Variants in NDUFS5 observed in about 807,000 individuals in gnomAD.
The protein encoded by NDUFS5 is NADH dehydrogenase [ubiquinone] iron-sulfur protein 5.
NDUFS5 carries 7 observed loss-of-function variants against 10.5 expected under a neutral mutation model. That is an observed-to-expected ratio of 0.66 (90% CI 0.38 to 1.25). The LOEUF (loss-of-function observed/expected upper bound fraction) is 1.25, where lower values mean the gene tolerates loss of function less well. NDUFS5 is among the 50% of genes most tolerant of loss of function. The pLI is 0.02. For missense variants in NDUFS5, 148 were observed against 140.7 expected (o/e 1.05, Z -0.26); for synonymous variants, 38 against 44.0 (o/e 0.86, Z 0.54).
Position 39,027,581 on chromosome 1 carries a change from G to GTTTTTTTTTTTTTTTTTTTTTT in NDUFS5, c.-2-1127_-2-1126insTTTTTTTTTTTTTTTTTTTTTT, listed in dbSNP as rs760373747. 9.9e-5 allele frequency among the ~76,000 whole-genome samples: 9 copies of GTTTTTTTTTTTTTTTTTTTTTT among 91,158 alleles called. 1 individual carries two copies. The highest frequency in any genetic ancestry group is 1.9e-4 in the African/African-American group (5 of 25,932). The allele number at this position is 91,158 out of a possible 152,430, so 59.8% of individuals were successfully genotyped here. On this transcript the variant is annotated intron_variant, in intron 1 of 2. Coordinates refer to ENST00000372969, the MANE Select transcript of NDUFS5 (RefSeq NM_004552.3). ...GTCTTAACCCATTTCTTTCGCTCTG[G>GTTTTTTTTTTTTTTTTTTTTTT]TTTTTTTTTTTTTTTGAGACAGGAT...
intron 2 of NDUFS5, 130 bp downstream of exon 2, chr1:39,029,070 G>A: frequency 2.5e-6 from 2 of 811,040 alleles, no homozygotes; most frequent in Non-Finnish European, 3.8e-6. Flanking sequence ...TCGTCTCACT[G>A]TAGCCTCTGC....
At chr1:39,029,191 C>T (rs549207785) in intron 2 of NDUFS5, among the ~76,000 whole-genome samples, 1 of 152,098 alleles carries the variant, frequency 6.6e-6, no homozygotes, top group Non-Finnish European at 1.5e-5. Flanking sequence ...CGGGATTTCA[C>T]CATGCTGGCC....
At chr1:39,031,453 T>G (rs1262321505) in intron 2 of NDUFS5, among the ~76,000 whole-genome samples, 2 of 152,100 alleles carry the variant, frequency 1.3e-5, no homozygotes, top group African/African-American at 4.8e-5. Context: ...GGACTACAAG[T>G]GCATGCCACC....
Position 39,034,583 on chromosome 1 carries a change from A to G in NDUFS5, c.*87A>G, listed in dbSNP as rs1644216215. 5 of 1,054,660 alleles carry G rather than the reference A, an allele frequency of 4.7e-6. No homozygotes were observed. In the Admixed American group the frequency reaches 5.7e-5, roughly 12 times the overall value. The allele number at this position is 1,054,660 out of a possible 1,614,324, so 65.3% of individuals were successfully genotyped here. On this transcript the variant is annotated 3_prime_UTR_variant, in exon 3 of 3. Transcript: ENST00000372969. ...TTGTTTACGACAAACCTCCTTGTCAAAGTGTGTAAAAATAAAGGATTGCTC... is the reference window on the plus strand; with the variant it reads ...TTGTTTACGACAAACCTCCTTGTCAGAGTGTGTAAAAATAAAGGATTGCTC...
intron 2 of NDUFS5, 51 bp downstream of exon 2, chr1:39,028,991 A>AAT: frequency 4.3e-6 from 6 of 1,402,968 alleles, no homozygotes; most frequent in Non-Finnish European, 5.7e-6. Flanking sequence ...TTCCTTTGGG[A>AAT]CTCTTTTTTT....
intron 2 of NDUFS5, among the ~76,000 whole-genome samples, chr1:39,030,543 A>T (rs1311306544): frequency 6.6e-6 from 1 of 152,124 alleles, no homozygotes; most frequent in African/African-American, 2.4e-5. Context: ...CGTCTGTACT[A>T]AAAATACAAA....
At chr1:39,031,564 C>T (rs1644190960) in intron 2 of NDUFS5, among the ~76,000 whole-genome samples, 1 of 152,176 alleles carries the variant, frequency 6.6e-6, no homozygotes, top group African/African-American at 2.4e-5. Context: ...CCTGGGCCCC[C>T]CAAACTGCTG....
intron 2 of NDUFS5, 54 bp downstream of exon 2, chr1:39,028,994 CTT>C (rs35464164): frequency 4.4e-3 from 5,117 of 1,166,834 alleles, no homozygotes; most frequent in South Asian, 6.3e-3. Flanking sequence ...CTTTGGGACT[CTT>C]TTTTTTTTTT....
At chr1:39,026,928 C>G (rs2148079345) in intron 1 of NDUFS5, among the ~76,000 whole-genome samples, 1 of 152,338 alleles carries the variant, frequency 6.6e-6, no homozygotes, top group South Asian at 2.1e-4. Flanking sequence ...CTTACCCACT[C>G]GTGTTCCTTG....
intron 1 of NDUFS5, among the ~76,000 whole-genome samples, chr1:39,027,087 A>C (rs1331053201): frequency 6.6e-6 from 1 of 152,076 alleles, no homozygotes; most frequent in Non-Finnish European, 1.5e-5. Flanking sequence ...CTTTTTGTTG[A>C]GATGGAGTTT....
rs372457176 is a variant in NDUFS5 at position 39,028,913 on chromosome 1, C to T, written c.189C>T (p.Phe63=). 17 of 1,613,170 alleles carry T rather than the reference C, an allele frequency of 1.1e-5. No homozygotes were observed. Among genetic ancestry groups the T allele is most frequent in the East Asian group, 2.2e-5 (1 of 44,866 alleles). The change falls in exon 2 of 3, where the codon TTC becomes TTT. Residue 63 remains phenylalanine, a synonymous_variant. Transcript: ENST00000372969. Reference sequence around the variant, plus strand: ...AGTGCAAGATAGAATATGATGATTTCGTAGAGTGTTTGCTTCGGCAGAAAA... The same window carrying T: ...AGTGCAAGATAGAATATGATGATTTTGTAGAGTGTTTGCTTCGGCAGAAAA... ...EKECKIEYDD[F]VECLLRQKTM... is the part of the protein sequence containing the mutation.
intron 2 of NDUFS5, among the ~76,000 whole-genome samples, chr1:39,030,922 GA>G (rs1430206707): frequency 6.6e-6 from 1 of 151,982 alleles, no homozygotes; most frequent in African/African-American, 2.4e-5. Context: ...GCCCAGGCTG[GA>G]GTGCGGTAGC....
intron 1 of NDUFS5, among the ~76,000 whole-genome samples, chr1:39,027,694 C>T (rs1169979222): frequency 1.5e-5 from 2 of 136,496 alleles, no homozygotes; most frequent in Non-Finnish European, 3.1e-5. Context: ...CTGCCTCAGC[C>T]TTAGGAGTAG....
intron 1 of NDUFS5, among the ~76,000 whole-genome samples, chr1:39,027,386 A>C (rs1226569596): frequency 6.6e-6 from 1 of 152,074 alleles, no homozygotes; most frequent in African/African-American, 2.4e-5. Context: ...TCACCTTTAA[A>C]TCTACCATGA....
At chr1:39,030,585 T>C (rs1011741145) in intron 2 of NDUFS5, among the ~76,000 whole-genome samples, 1 of 151,664 alleles carries the variant, frequency 6.6e-6, no homozygotes, top group Non-Finnish European at 1.5e-5. Context: ...CTGGCGCCTA[T>C]AGTCCCAGCT....
intron 2 of NDUFS5, among the ~76,000 whole-genome samples, chr1:39,030,637 A>G (rs1460856342): frequency 6.8e-6 from 1 of 146,616 alleles, no homozygotes; most frequent in Admixed American, 6.9e-5. Context: ...GGAGAATGGC[A>G]TGAACCCGGG....
At chr1:39,030,103 CAAA>C (rs1042060681) in intron 2 of NDUFS5, among the ~76,000 whole-genome samples, 1 of 145,152 alleles carries the variant, frequency 6.9e-6, no homozygotes, top group Non-Finnish European at 1.5e-5. Context: ...AAAAAAAAAC[CAAA>C]AAAACAAATT....
At chr1:39,031,954 C>T (rs757837822) in intron 2 of NDUFS5, among the ~76,000 whole-genome samples, 33 of 152,202 alleles carry the variant, frequency 2.2e-4, no homozygotes, top group Non-Finnish European at 4.1e-4. Context: ...GTGAGGAGTT[C>T]AAGACCAGCC....
intron 1 of NDUFS5, among the ~76,000 whole-genome samples, chr1:39,028,494 A>G (rs1644168306): frequency 6.6e-6 from 1 of 152,130 alleles, no homozygotes; most frequent in Non-Finnish European, 1.5e-5. Flanking sequence ...CTTTAGTTAT[A>G]GTTCTCTTTT....
Sources: gnomAD v4.1 joint callset for allele counts (sites outside exome capture counted in the v4.1 genomes callset) on GRCh38, gnomAD v4.1.1 for gene constraint, MANE v1.5 for transcripts, NCBI Gene and HGNC (gene_info 2026-07-23, HGNC 2026-07-21) for gene names.